The following PDE4D variants were observed in gnomAD, a reference collection of about 807,000 sequenced individuals.
PDE4D encodes the protein phosphodiesterase 4D.
In PDE4D, 24 loss-of-function variants were observed where a neutral mutation model predicts 87.4. The observed-to-expected ratio is 0.27, with a 90% CI of 0.20 to 0.39. The LOEUF (loss-of-function observed/expected upper bound fraction) is 0.39. Among genes scored for constraint, PDE4D ranks in the 10% least tolerant of loss-of-function variants. The pLI is 1.00. For missense variants in PDE4D, 714 were observed against 1,041.0 expected (o/e 0.69, Z 4.32); for synonymous variants, 384 against 383.2 (o/e 1.00, Z -0.02).
rs1826704487 is a variant in PDE4D at position 59,596,501 on chromosome 5, G to A, written c.455+296667C>T. On this transcript the variant is annotated intron_variant, in intron 1 of 14. Coordinates refer to ENST00000340635, the MANE Select transcript of PDE4D (RefSeq NM_001104631.2). ...TAGTGGGGTACATGCTCTAGGGGTA[G>A]TGGGGTTTTCTGGTCTGTTTTGTCC... 1.3e-5 allele frequency among the ~76,000 whole-genome samples: 2 copies of A among 151,956 alleles called. 1 individual carries two copies. Among genetic ancestry groups the A allele is most frequent in the South Asian group, 4.1e-4 (2 of 4,826 alleles).
upstream of PDE4D, among the ~76,000 whole-genome samples, chr5:59,896,645 A>G (rs1010962167): frequency 1.3e-5 from 2 of 152,240 alleles, no homozygotes; most frequent in Non-Finnish European, 2.9e-5. Context: ...ATACATCAGC[A>G]ACTACTGATC....
At chr5:59,972,404 T>C (rs1760879594) in intron 3 of PDE4D, among the ~76,000 whole-genome samples, 1 of 152,104 alleles carries the variant, frequency 6.6e-6, no homozygotes, top group South Asian at 2.1e-4. Flanking sequence ...TTCCAAGCAA[T>C]ATAGGTGACA....
chr5:60,489,329 A>G (rs1749392394), upstream of PDE4D, among the ~76,000 whole-genome samples: 1 of 152,240 alleles, frequency 6.6e-6, no homozygotes, highest in Admixed American at 6.5e-5. Context: ...GATAGAATAT[A>G]CATAATATTT....
intron 1 of PDE4D, among the ~76,000 whole-genome samples, chr5:59,597,063 C>T (rs13163188): frequency 0.054 from 8,193 of 152,168 alleles, 301 homozygotes; most frequent in Middle Eastern, 0.099. Flanking sequence ...ATAGGCCCTG[C>T]TATACTTGTT....
At chr5:59,275,445 G>T in intron 1 of PDE4D, 3 of 1,587,334 alleles carry the variant, frequency 1.9e-6, no homozygotes, top group South Asian at 2.2e-5. Context: ...CAACTATTCT[G>T]ATTAATACAT....
At chr5:59,471,863 G>A (rs1389853538) in intron 1 of PDE4D, among the ~76,000 whole-genome samples, 1 of 152,106 alleles carries the variant, frequency 6.6e-6, no homozygotes, top group Non-Finnish European at 1.5e-5. Flanking sequence ...AGCTTCCAGA[G>A]GTAGCTACTC....
intron 1 of PDE4D, among the ~76,000 whole-genome samples, chr5:59,885,505 C>G (rs1750013531): frequency 6.6e-6 from 1 of 152,118 alleles, no homozygotes; most frequent in Non-Finnish European, 1.5e-5. Flanking sequence ...CTTAGTGAAG[C>G]AGTCAATAAC....
chr5:59,286,183 G>A (rs931532732), intron 1 of PDE4D, among the ~76,000 whole-genome samples: 2 of 152,180 alleles, frequency 1.3e-5, no homozygotes, highest in Non-Finnish European at 2.9e-5. Flanking sequence ...GGCTCCAGAA[G>A]AGAAATCTGA....
chr5:59,658,596 T>C (rs1407074854), intron 1 of PDE4D, among the ~76,000 whole-genome samples: 1 of 152,174 alleles, frequency 6.6e-6, no homozygotes, highest in Non-Finnish European at 1.5e-5. Flanking sequence ...TCAGCCAGGA[T>C]GGTCTCGATC....
At chr5:60,164,802 T>C (rs148418448) in intron 2 of PDE4D, among the ~76,000 whole-genome samples, 220 of 152,250 alleles carry the variant, frequency 1.4e-3, no homozygotes, top group Non-Finnish European at 2.5e-3. Flanking sequence ...ATTTATCAAA[T>C]ACAAAATGAT....
At chr5:59,200,063 A>G (rs1309713613) in intron 2 of PDE4D, among the ~76,000 whole-genome samples, 1 of 144,304 alleles carries the variant, frequency 6.9e-6, no homozygotes, top group Admixed American at 6.9e-5. Context: ...ACATGCATGT[A>G]CACACACGTA....
At chr5:60,466,928 C>T (rs1167612160) in intron 1 of PDE4D, among the ~76,000 whole-genome samples, 1 of 145,124 alleles carries the variant, frequency 6.9e-6, no homozygotes, top group Non-Finnish European at 1.5e-5. Flanking sequence ...AAAAATATGG[C>T]ATATATATTT....
chr5:59,105,520 C>A (rs1455959942), intron 5 of PDE4D, among the ~76,000 whole-genome samples: 2 of 151,962 alleles, frequency 1.3e-5, no homozygotes, highest in Non-Finnish European at 2.9e-5. Flanking sequence ...GTTAGTTAAC[C>A]CACTCCCCTT....
At chr5:59,033,283 T>G (rs1202464733) in intron 6 of PDE4D, among the ~76,000 whole-genome samples, 1 of 152,188 alleles carries the variant, frequency 6.6e-6, no homozygotes, top group African/African-American at 2.4e-5. Flanking sequence ...ATAAAAAAAG[T>G]CTTCTTCAAA....
At chr5:59,800,346 A>G (rs894627793) in intron 1 of PDE4D, among the ~76,000 whole-genome samples, 1 of 152,182 alleles carries the variant, frequency 6.6e-6, no homozygotes, top group African/African-American at 2.4e-5. Context: ...ACAACCAATG[A>G]AAAGATGTTT....
chr5:59,768,548 G>A (rs1763098412), intron 1 of PDE4D: 3 of 1,592,780 alleles, frequency 1.9e-6, no homozygotes, highest in Non-Finnish European at 2.6e-6. Context: ...AGAATCCAGG[G>A]CAACGTGGTT....
intron 6 of PDE4D, among the ~76,000 whole-genome samples, chr5:59,001,348 T>C (rs1353632370): frequency 6.6e-6 from 1 of 152,202 alleles, no homozygotes; most frequent in African/African-American, 2.4e-5. Flanking sequence ...TATTTCCACA[T>C]GTGGCATGTC....
At chr5:59,387,491 A>T (rs935722192) in intron 1 of PDE4D, among the ~76,000 whole-genome samples, 2 of 152,132 alleles carry the variant, frequency 1.3e-5, no homozygotes, top group African/African-American at 4.8e-5. Context: ...ATGAAGGGAC[A>T]TGATTTCTCA....
chr5:59,200,128 G>GACATACATGTATGCACAC (rs1746693512), intron 2 of PDE4D, among the ~76,000 whole-genome samples: 1 of 147,168 alleles, frequency 6.8e-6, no homozygotes. Flanking sequence ...CATGCATGTA[G>GACATACATGTATGCACAC]ACATACATGT....
Sources: gnomAD v4.1 joint callset for allele counts (sites outside exome capture counted in the v4.1 genomes callset) on GRCh38, gnomAD v4.1.1 for gene constraint, MANE v1.5 for transcripts, NCBI Gene and HGNC (gene_info 2026-07-23, HGNC 2026-07-21) for gene names.